Variants in STAU2 observed in about 807,000 individuals in gnomAD.
The protein encoded by STAU2 is double-stranded RNA-binding protein Staufen homolog 2.
A neutral mutation model predicts 65.9 loss-of-function variants in STAU2; 20 were observed. The observed-to-expected ratio is 0.30, with a 90% CI of 0.21 to 0.44. STAU2 has a LOEUF of 0.44. Ranked by LOEUF, STAU2 falls within the 20% of genes least tolerant of loss-of-function variation. STAU2 has a pLI of 1.00. For synonymous variants in STAU2, 232 were observed against 233.9 expected, an observed-to-expected ratio of 0.99 and a Z score of 0.07; for missense variants, 558 against 683.9, an observed-to-expected ratio of 0.82 and a Z score of 2.05.
chr8:73,476,670 G>C (rs71527212), intron 13 of STAU2, among the ~76,000 whole-genome samples: 18,004 of 152,138 alleles, frequency 0.12, 1,374 homozygotes, highest in African/African-American at 0.22. Context: ...AATTAACAAC[G>C]TAAATATCGA....
intron 9 of STAU2, among the ~76,000 whole-genome samples, chr8:73,607,017 G>A (rs758577330): frequency 6.6e-6 from 1 of 152,094 alleles, no homozygotes; most frequent in South Asian, 2.1e-4. Context: ...GATTACAAAG[G>A]GGCATAAGGA....
At chr8:73,473,857 G>C (rs1377943876) in intron 13 of STAU2, among the ~76,000 whole-genome samples, 1 of 152,224 alleles carries the variant, frequency 6.6e-6, no homozygotes, top group African/African-American at 2.4e-5. Flanking sequence ...CAGAAAGCGG[G>C]AGGAGTGAAG....
At chr8:73,703,868 C>T (rs1360620236) in intron 4 of STAU2, among the ~76,000 whole-genome samples, 1 of 152,098 alleles carries the variant, frequency 6.6e-6, no homozygotes, top group Non-Finnish European at 1.5e-5. Flanking sequence ...AATGTTTGTT[C>T]TTTTTTTCCC....
intron 12 of STAU2, among the ~76,000 whole-genome samples, chr8:73,566,052 C>G (rs1296226911): frequency 1.3e-5 from 2 of 152,112 alleles, no homozygotes; most frequent in East Asian, 3.9e-4. Flanking sequence ...GTAAATGCAC[C>G]AGACTGGAGC....
chr8:73,501,594 A>T (rs2128920195), intron 13 of STAU2, among the ~76,000 whole-genome samples: 1 of 152,076 alleles, frequency 6.6e-6, no homozygotes, highest in East Asian at 1.9e-4. Flanking sequence ...AGCTTAGGTC[A>T]GAGTTTCCTG....
At chr8:73,658,940 C>CAA (rs1333134052) in intron 6 of STAU2, among the ~76,000 whole-genome samples, 19 of 51,612 alleles carry the variant, frequency 3.7e-4, no homozygotes, top group African/African-American at 8.6e-4. Context: ...ACAACAAAAA[C>CAA]AACAAAAAAA....
At chr8:73,721,285 T>TA (rs1821658801) in intron 3 of STAU2, among the ~76,000 whole-genome samples, 1 of 19,598 alleles carries the variant, frequency 5.1e-5, no homozygotes, top group African/African-American at 2.6e-4. Context: ...AAACCCCACC[T>TA]CCAAAAAAAA....
intron 10 of STAU2, among the ~76,000 whole-genome samples, chr8:73,599,990 G>C (rs565719072): frequency 5.3e-5 from 8 of 152,142 alleles, no homozygotes; most frequent in Admixed American, 4.6e-4. Context: ...GGATAGTCTC[G>C]ATCTCCTGAC....
chr8:73,570,234 A>G (rs1451623677), intron 12 of STAU2, among the ~76,000 whole-genome samples: 1 of 152,226 alleles, frequency 6.6e-6, no homozygotes, highest in African/African-American at 2.4e-5. Context: ...AGATTAAACT[A>G]ATGAAATAAA....
intron 6 of STAU2, among the ~76,000 whole-genome samples, chr8:73,661,901 T>C (rs1055217661): frequency 2.2e-4 from 34 of 152,218 alleles, no homozygotes; most frequent in Admixed American, 1.6e-3. Context: ...AACTTTCATG[T>C]ATAAGTCTTT....
chr8:73,481,526 A>C lies in STAU2; in HGVS notation c.1531-58824T>G, dbSNP rs559812509. The stretch of plus-strand genomic sequence containing the variant: ...AAAAAAACAAAAAAACAAAAAAAAA[A>C]AACACTTTTTTTGAGTGAACCAAAC... On this transcript the variant is annotated intron_variant, in intron 13 of 14. Coordinates refer to ENST00000524300, the MANE Select transcript of STAU2 (RefSeq NM_001164380.2). Among the ~76,000 whole-genome samples, 18 of 150,306 alleles carry C rather than the reference A, an allele frequency of 1.2e-4. 1 individual carries two copies. In the South Asian group the frequency reaches 3.5e-3, roughly 29 times the overall value.
chr8:73,643,623 G>T (rs1173864769), intron 6 of STAU2, among the ~76,000 whole-genome samples: 2 of 152,156 alleles, frequency 1.3e-5, no homozygotes, highest in Middle Eastern at 3.2e-3. Flanking sequence ...CATCAAGCAA[G>T]ATCAACATAC....
intron 6 of STAU2, among the ~76,000 whole-genome samples, chr8:73,661,261 TA>T (rs1483190156): frequency 4.6e-5 from 7 of 152,190 alleles, no homozygotes; most frequent in Non-Finnish European, 1.0e-4. Flanking sequence ...AGGCAGAAGC[TA>T]AGCAACTGAA....
chr8:73,471,179 T>TC (rs1819987909), intron 13 of STAU2, among the ~76,000 whole-genome samples: 1 of 149,030 alleles, frequency 6.7e-6, no homozygotes, highest in African/African-American at 2.5e-5. Context: ...CTCTCTTTTT[T>TC]TTTTTTTTTT....
At chr8:73,682,043 T>C (rs1481957027) in intron 5 of STAU2, among the ~76,000 whole-genome samples, 1 of 152,038 alleles carries the variant, frequency 6.6e-6, no homozygotes, top group African/African-American at 2.4e-5. Context: ...GACTTCAATA[T>C]TCCACTGACA....
chr8:73,482,272 G>A (rs1312544610), intron 13 of STAU2, among the ~76,000 whole-genome samples: 2 of 151,696 alleles, frequency 1.3e-5, no homozygotes, highest in African/African-American at 4.8e-5. Flanking sequence ...ATTCCCACCG[G>A]GGCCACCATA....
At chr8:73,424,498 G>GT (rs1189515527) in intron 13 of STAU2, among the ~76,000 whole-genome samples, 1 of 151,950 alleles carries the variant, frequency 6.6e-6, no homozygotes, top group East Asian at 1.9e-4. Flanking sequence ...ACTGCACCCG[G>GT]CCCCTCTTTT....
intron 5 of STAU2, among the ~76,000 whole-genome samples, chr8:73,686,076 T>A (rs1447449919): frequency 6.6e-6 from 1 of 151,970 alleles, no homozygotes; most frequent in Non-Finnish European, 1.5e-5. Flanking sequence ...ATGTAGTATG[T>A]TCTCATAAAT....
At chr8:73,481,564 T>C (rs1355128691) in intron 13 of STAU2, among the ~76,000 whole-genome samples, 1 of 151,114 alleles carries the variant, frequency 6.6e-6, no homozygotes, top group Non-Finnish European at 1.5e-5. Flanking sequence ...AAGCATTCTC[T>C]AGCGAGAACG....
Sources: gnomAD v4.1 joint callset for allele counts (sites outside exome capture counted in the v4.1 genomes callset) on GRCh38, gnomAD v4.1.1 for gene constraint, MANE v1.5 for transcripts, NCBI Gene and HGNC (gene_info 2026-07-23, HGNC 2026-07-21) for gene names.